PTCSC3: variants seen among roughly 807,000 people sequenced by gnomAD.
PTCSC3 encodes the protein papillary thyroid carcinoma susceptibility candidate 3, also known as papillary thyroid carcinoma susceptibility candidate 3 (non-protein coding).
At chr14:36,140,301 G>T (rs901504821) in intron 3 of PTCSC3, among the ~76,000 whole-genome samples, 2 of 152,156 alleles carry the variant, frequency 1.3e-5, no homozygotes, top group African/African-American at 2.4e-5. Context: ...TCAACATTGT[G>T]TGCAGGTTTT....
intron 1 of PTCSC3, among the ~76,000 whole-genome samples, chr14:36,173,329 C>T (rs1882221885): frequency 6.6e-6 from 1 of 152,180 alleles, no homozygotes; most frequent in East Asian, 1.9e-4. Context: ...GACTCTTTCA[C>T]TAAGTACTGG....
chr14:36,139,119 T>TAAAAAA (rs370864635), intron 3 of PTCSC3, among the ~76,000 whole-genome samples: 286 of 106,494 alleles, frequency 2.7e-3, no homozygotes, highest in Non-Finnish European at 3.8e-3. Flanking sequence ...ATCTCAAAAA[T>TAAAAAA]AAAAAAAAAA....
intron 1 of PTCSC3, among the ~76,000 whole-genome samples, chr14:36,168,773 G>A (rs558723902): frequency 2.8e-4 from 42 of 152,038 alleles, no homozygotes; most frequent in South Asian, 1.0e-3. Flanking sequence ...CTGACACTAT[G>A]CCTGGCTAAC....
chr14:36,170,232 C>T (rs1407304639), intron 1 of PTCSC3, among the ~76,000 whole-genome samples: 1 of 151,486 alleles, frequency 6.6e-6, no homozygotes, highest in Non-Finnish European at 1.5e-5. Context: ...TAAGAATTTC[C>T]CATGTTCGCA....
intron 2 of PTCSC3, among the ~76,000 whole-genome samples, chr14:36,162,257 GGAAAAAAAA>G (rs1566509618): frequency 5.0e-5 from 3 of 59,658 alleles, no homozygotes; most frequent in Admixed American, 1.7e-4. Flanking sequence ...GCTGGGGTAT[GGAAAAAAAA>G]AAAAAAAAAA....
At chr14:36,173,869 GAC>G (rs1882232954) in intron 1 of PTCSC3, among the ~76,000 whole-genome samples, 1 of 152,086 alleles carries the variant, frequency 6.6e-6, no homozygotes, top group Non-Finnish European at 1.5e-5. Context: ...AAACTGAGAT[GAC>G]AGTTTTTTCT....
intron 3 of PTCSC3, among the ~76,000 whole-genome samples, chr14:36,138,074 A>G (rs1197245813): frequency 6.6e-6 from 1 of 152,164 alleles, no homozygotes; most frequent in Non-Finnish European, 1.5e-5. Flanking sequence ...TAAAGGAGAG[A>G]ACAGGAAGAA....
chr14:36,143,026 A>T (rs1881463196), intron 3 of PTCSC3, among the ~76,000 whole-genome samples: 1 of 151,886 alleles, frequency 6.6e-6, no homozygotes, highest in Middle Eastern at 3.2e-3. Context: ...CATGGTGTGT[A>T]TGTGCCACAT....
rs554123272 is a variant in PTCSC3, at chr14:36,148,459, G to A, written n.322+5345C>T. Among the ~76,000 whole-genome samples, 364 of 152,220 alleles carry A rather than the reference G, an allele frequency of 2.4e-3. 1 individual carries two copies. Among genetic ancestry groups the A allele is most frequent in the African/African-American group, 7.7e-3 (319 of 41,538 alleles). On this transcript the variant is annotated intron_variant and non_coding_transcript_variant, in intron 3 of 3. Coordinates refer to ENST00000556013, the Ensembl canonical transcript of PTCSC3. ...TGTCCGTCACCCCTTTCTTTGACTCGGAAAGGGAACTCCCTGACCCCTTGG... is the reference window on the plus strand; with the variant it reads ...TGTCCGTCACCCCTTTCTTTGACTCAGAAAGGGAACTCCCTGACCCCTTGG...
intron 3 of PTCSC3, among the ~76,000 whole-genome samples, chr14:36,146,526 T>C (rs1881572794): frequency 6.6e-6 from 1 of 152,018 alleles, no homozygotes; most frequent in African/African-American, 2.4e-5. Context: ...TAGATCTTCC[T>C]CCATCCTTTT....
chr14:36,152,965 A>C (rs1041649464), intron 3 of PTCSC3, among the ~76,000 whole-genome samples: 15 of 152,178 alleles, frequency 9.9e-5, no homozygotes, highest in African/African-American at 3.6e-4. Context: ...AGGCACTTCC[A>C]AAAGAGGACA....
intron 2 of PTCSC3, among the ~76,000 whole-genome samples, chr14:36,158,789 CTTCTTT>C (rs2139104010): frequency 6.6e-6 from 1 of 152,188 alleles, no homozygotes; most frequent in African/African-American, 2.4e-5. Flanking sequence ...GGGAGGAGTC[CTTCTTT>C]TTCTTTTGTT....
chr14:36,150,668 CCCT>C (rs1271806305), intron 3 of PTCSC3, among the ~76,000 whole-genome samples: 2 of 152,040 alleles, frequency 1.3e-5, no homozygotes, highest in South Asian at 2.1e-4. Flanking sequence ...ATTCCATTTT[CCCT>C]CCTTTCTTAG....
intron 3 of PTCSC3, among the ~76,000 whole-genome samples, chr14:36,138,770 C>T (rs1191918527): frequency 1.3e-5 from 2 of 152,158 alleles, no homozygotes; most frequent in South Asian, 2.1e-4. Context: ...TTAGTATAAA[C>T]ATCCCCTTTC....
intron 1 of PTCSC3, among the ~76,000 whole-genome samples, chr14:36,171,036 A>T (rs559442832): frequency 2.0e-5 from 3 of 152,336 alleles, no homozygotes; most frequent in African/African-American, 7.2e-5. Flanking sequence ...TACATAAATA[A>T]ATTGGCTGTG....
intron 3 of PTCSC3, among the ~76,000 whole-genome samples, chr14:36,151,666 G>A (rs1009243648): frequency 6.6e-6 from 1 of 152,070 alleles, no homozygotes; most frequent in Non-Finnish European, 1.5e-5. Flanking sequence ...GAAGTTCTTA[G>A]CCTTTTTCTC....
intron 2 of PTCSC3, among the ~76,000 whole-genome samples, chr14:36,162,258 G>GAAAAAAAAAAAAAAAAAAAAAAAA (rs58223160): frequency 9.4e-6 from 1 of 106,554 alleles, no homozygotes; most frequent in African/African-American, 4.8e-5. Flanking sequence ...CTGGGGTATG[G>GAAAAAAAAAAAAAAAAAAAAAAAA]AAAAAAAAAA....
intron 3 of PTCSC3, among the ~76,000 whole-genome samples, chr14:36,140,656 G>C (rs187853875): frequency 1.3e-5 from 2 of 152,238 alleles, no homozygotes; most frequent in Non-Finnish European, 2.9e-5. Context: ...TGTTCAGATA[G>C]TTCATCCATT....
intron 3 of PTCSC3, among the ~76,000 whole-genome samples, chr14:36,139,530 G>A (rs1881371364): frequency 6.6e-6 from 1 of 151,972 alleles, no homozygotes; most frequent in Admixed American, 6.6e-5. Flanking sequence ...ATGATTATGA[G>A]AGCCTCCCAG....
Sources: gnomAD v4.1 joint callset for allele counts (sites outside exome capture counted in the v4.1 genomes callset) on GRCh38, gnomAD v4.1.1 for gene constraint, MANE v1.5 for transcripts, NCBI Gene and HGNC (gene_info 2026-07-23, HGNC 2026-07-21) for gene names.